The following CNTNAP2 variants were observed in gnomAD, a reference collection of about 807,000 sequenced individuals.
CNTNAP2 encodes the protein contactin-associated protein-like 2.
In CNTNAP2, 98 loss-of-function variants were observed where a neutral mutation model predicts 155.2. The observed-to-expected ratio is 0.63, with a 90% confidence interval of 0.54 to 0.75. CNTNAP2 has a LOEUF of 0.75. CNTNAP2 is among the 30% of genes least tolerant of loss of function. The pLI is 0.00. For synonymous variants in CNTNAP2, 651 were observed against 631.2 expected (o/e 1.03, Z -0.47); for missense variants, 1,727 against 1,688.1 (o/e 1.02, Z -0.40).
rs771048326 is a variant in CNTNAP2 at position 148,076,422 on chromosome 7, CTTTTTTTTTT to C, written c.2384-41674_2384-41665del. On this transcript the variant is annotated intron_variant, in intron 15 of 23. Coordinates refer to ENST00000361727, the MANE Select transcript of CNTNAP2 (RefSeq NM_014141.6). The stretch of plus-strand genomic sequence containing the variant: ...TGTAGACCTATGATAGCTCTGACTT[CTTTTTTTTTT>C]TTTTTTTTTTTTTTTTTTTTTGAGA... Among the ~76,000 whole-genome samples the C allele has an allele frequency of 7.6e-4, 38 of 49,796 alleles. 1 individual carries two copies. In the Admixed American group the frequency reaches 7.7e-3, roughly 10 times the overall value. The allele number at this position is 49,796 out of a possible 152,430, so 32.7% of individuals were successfully genotyped here.
rs1804730255 is a variant in CNTNAP2 at position 147,270,830 on chromosome 7, CAT to C, written c.1349-29310_1349-29309del. ...GAATCTTTTCCTGCTAGCATAGCCT[CAT>C]GTGCGAAATAAGTTGTGTTGATTCA... On this transcript the variant is annotated intron_variant, in intron 8 of 23. Transcript: ENST00000361727. 7.2e-5 allele frequency among the ~76,000 whole-genome samples: 11 copies of C among 152,312 alleles called. 2 individuals are homozygous for C. In the South Asian group the frequency reaches 2.3e-3, roughly 32 times the overall value.
At chr7:146,528,230 G>A (rs1797719591) in intron 1 of CNTNAP2, among the ~76,000 whole-genome samples, 1 of 152,156 alleles carries the variant, frequency 6.6e-6, no homozygotes, top group Non-Finnish European at 1.5e-5. Context: ...AATGGGACAA[G>A]TTGATGTAAA....
intron 11 of CNTNAP2, among the ~76,000 whole-genome samples, chr7:147,525,782 A>G (rs1441230838): frequency 6.6e-6 from 1 of 152,214 alleles, no homozygotes; most frequent in Non-Finnish European, 1.5e-5. Flanking sequence ...CTGTATTAAT[A>G]TTATGACTCT....
Position 148,118,585 on chromosome 7 carries a change from T to A in CNTNAP2, c.2554+297T>A, listed in dbSNP as rs77576413. On this transcript the variant is annotated intron_variant, in intron 16 of 23. Coordinates refer to ENST00000361727, the MANE Select transcript of CNTNAP2 (RefSeq NM_014141.6). ...AATGTTTATCTTCAGCTTCATGTCT[T>A]GTGTGGCTGTTTTCCAAAGAGACAG... is the stretch of plus-strand genomic sequence containing the variant. Among the ~76,000 whole-genome samples, 1,666 of 152,206 alleles carry A rather than the reference T, an allele frequency of 0.011. 34 individuals carry two copies. The highest frequency in any genetic ancestry group is 0.038 in the African/African-American group (1,580 of 41,526).
intron 1 of CNTNAP2, among the ~76,000 whole-genome samples, chr7:146,329,860 G>A (rs188674158): frequency 5.9e-4 from 90 of 151,950 alleles, no homozygotes; most frequent in Non-Finnish European, 1.1e-3. Context: ...TATATAACGA[G>A]TCTTCACTAC....
intron 3 of CNTNAP2, among the ~76,000 whole-genome samples, chr7:146,902,940 A>G (rs1454618992): frequency 6.6e-6 from 1 of 152,166 alleles, no homozygotes; most frequent in Admixed American, 6.5e-5. Flanking sequence ...CTCTAACCAC[A>G]CTGACTCAGT....
intron 1 of CNTNAP2, among the ~76,000 whole-genome samples, chr7:146,565,001 T>C (rs1363991047): frequency 6.6e-6 from 1 of 152,118 alleles, no homozygotes; most frequent in Admixed American, 6.6e-5. Context: ...TCTTCTGATT[T>C]CTAATCTAGT....
intron 22 of CNTNAP2, among the ~76,000 whole-genome samples, chr7:148,397,154 C>T (rs1302341770): frequency 6.6e-6 from 1 of 152,220 alleles, no homozygotes; most frequent in African/African-American, 2.4e-5. Context: ...GAAAATGCAG[C>T]TCAGAGAAAA....
intron 1 of CNTNAP2, among the ~76,000 whole-genome samples, chr7:146,332,941 A>ATTTTTTTTTTTTTTTTTTTTTTTT (rs4016094): frequency 2.3e-4 from 24 of 102,458 alleles, no homozygotes; most frequent in Admixed American, 3.7e-4. Context: ...TTCTTCTTCT[A>ATTTTTTTTTTTTTTTTTTTTTTTT]TTTTTTTTTT....
chr7:147,791,690 T>C (rs1370819029), intron 13 of CNTNAP2, among the ~76,000 whole-genome samples: 2 of 152,156 alleles, frequency 1.3e-5, no homozygotes, highest in Non-Finnish European at 2.9e-5. Flanking sequence ...CAGACATAAA[T>C]GTGCCCTCAG....
intron 13 of CNTNAP2, among the ~76,000 whole-genome samples, chr7:147,690,405 T>G (rs1807772387): frequency 1.3e-5 from 2 of 152,132 alleles, no homozygotes; most frequent in Admixed American, 6.6e-5. Flanking sequence ...ATTTTTGAAG[T>G]CAGGGGCTCT....
intron 9 of CNTNAP2, among the ~76,000 whole-genome samples, chr7:147,363,613 A>G (rs1430625730): frequency 1.3e-5 from 2 of 152,216 alleles, no homozygotes; most frequent in African/African-American, 4.8e-5. Context: ...GTCATCACCA[A>G]ATAGACTCTT....
intron 10 of CNTNAP2, among the ~76,000 whole-genome samples, chr7:147,429,422 G>T (rs1246701139): frequency 6.6e-6 from 1 of 151,890 alleles, no homozygotes; most frequent in Non-Finnish European, 1.5e-5. Context: ...TCCACTTTTT[G>T]ATGAGATTAT....
chr7:148,269,464 C>T (rs10952740), intron 21 of CNTNAP2, among the ~76,000 whole-genome samples: 54,034 of 151,764 alleles, frequency 0.36, 11,303 homozygotes, highest in East Asian at 0.59. Context: ...TGTGACATCA[C>T]ATGTTACACG....
intron 3 of CNTNAP2, among the ~76,000 whole-genome samples, chr7:146,877,045 A>T (rs1020606794): frequency 2.0e-5 from 3 of 152,138 alleles, no homozygotes; most frequent in Non-Finnish European, 4.4e-5. Context: ...AAATGATCTT[A>T]ATGGTTATTT....
intron 10 of CNTNAP2, among the ~76,000 whole-genome samples, chr7:147,456,361 T>C (rs1383578778): frequency 2.6e-5 from 4 of 152,100 alleles, no homozygotes; most frequent in South Asian, 2.1e-4. Flanking sequence ...ATGAAACAAC[T>C]AGTATATAGA....
At chr7:148,029,106 CTT>C (rs34491664) in intron 15 of CNTNAP2, among the ~76,000 whole-genome samples, 111,534 of 151,898 alleles carry the variant, frequency 0.73, 41,531 homozygotes, top group East Asian at 0.86. Context: ...GGGCAACACA[CTT>C]TTAACCTCTC....
chr7:146,280,381 C>T (rs1455792110), intron 1 of CNTNAP2, among the ~76,000 whole-genome samples: 1 of 152,074 alleles, frequency 6.6e-6, no homozygotes, highest in Non-Finnish European at 1.5e-5. Flanking sequence ...TTCTTCCTCC[C>T]TGTCAACAGG....
chr7:146,524,114 A>G (rs1797654469), intron 1 of CNTNAP2, among the ~76,000 whole-genome samples: 1 of 152,142 alleles, frequency 6.6e-6, no homozygotes, highest in South Asian at 2.1e-4. Context: ...TCACAAGAGT[A>G]TCATGCGAGT....
Sources: gnomAD v4.1 joint callset for allele counts (sites outside exome capture counted in the v4.1 genomes callset) on GRCh38, gnomAD v4.1.1 for gene constraint, MANE v1.5 for transcripts, NCBI Gene and HGNC (gene_info 2026-07-23, HGNC 2026-07-21) for gene names.